BNC1: variants seen among roughly 807,000 people sequenced by gnomAD.
The protein encoded by BNC1 is zinc finger protein basonuclin-1.
Under a neutral mutation model 66.5 loss-of-function variants are expected in BNC1, and 8 were observed. The observed-to-expected ratio is 0.12, with a 90% confidence interval of 0.07 to 0.22. The LOEUF (loss-of-function observed/expected upper bound fraction) is 0.22. BNC1 is among the 10% of genes least tolerant of loss of function. The pLI, the probability that BNC1 is intolerant of heterozygous loss-of-function variation, is 1.00. For synonymous variants in BNC1, 454 were observed against 452.6 expected (o/e 1.00, Z -0.04); for missense variants, 1,069 against 1,241.3 (o/e 0.86, Z 2.09).
rs1462619498 is a variant in BNC1 at position 83,257,754 on chromosome 15, A to C, written c.2673T>G (p.Asp891Glu). The C allele has an allele frequency of 5.0e-6, 8 of 1,614,022 alleles. No individual in the cohort carries two copies. The highest frequency in any genetic ancestry group is 1.3e-5 in the African/African-American group (1 of 74,906). ...CAAGGCTCGACCCTTCACAGTTCCC[A>C]TCACTGTCCTCCATAAGCACAGTGC... The part of the protein sequence containing the change: ...EEGTVLMEDS[D>E]GNCEGSSLVP... The change falls in exon 5 of 5, where the codon GAT becomes GAG. Residue 891 changes from aspartate (D) to glutamate (E), a missense_variant. This residue lies in a region of BNC1 where 657 missense variants were observed against 715.8 expected (regional missense o/e 0.92). Transcript: ENST00000345382.
intron 4 of BNC1, among the ~76,000 whole-genome samples, chr15:83,262,052 T>G (rs1209494588): frequency 2.3e-4 from 34 of 148,492 alleles, no homozygotes; most frequent in Admixed American, 2.1e-3. Flanking sequence ...CATGTTTTTT[T>G]TTTTTTTTTT....
intron 1 of BNC1, among the ~76,000 whole-genome samples, chr15:83,274,686 C>T (rs1231618832): frequency 6.6e-6 from 1 of 152,198 alleles, no homozygotes; most frequent in Non-Finnish European, 1.5e-5. Flanking sequence ...TTGTAACATG[C>T]CCAGGGTCAC....
Position 83,266,825 on chromosome 15 carries a change from G to T in BNC1, c.435+11C>A, listed in dbSNP as rs572763338. On this transcript the variant is annotated intron_variant, in intron 3 of 4. Transcript: ENST00000345382. ...AGCACCCTAGGAGGACAATGTTCATGTTTACTGTACCTGCAGTACGTATCC... is the reference window on the plus strand; with the variant it reads ...AGCACCCTAGGAGGACAATGTTCATTTTTACTGTACCTGCAGTACGTATCC... 2 of 1,610,138 alleles carry T rather than the reference G, an allele frequency of 1.2e-6. No homozygotes were observed. The highest frequency in any genetic ancestry group is 2.2e-5 in the South Asian group (2 of 91,000).
In BNC1 at chr15:83,263,132, C is replaced by A. The variant is rs2038163736; in HGVS notation, c.2119G>T (p.Gly707Cys). Reference protein sequence around the residue: ...LEDSKELEHVGQHALARQIEE... With the variant: ...LEDSKELEHVCQHALARQIEE... ...ATCTGCCTTGCTAATGCATGCTGAC[C>A]CACGTGCTCCAGTTCTTTAGAATCT... The change falls in exon 4 of 5, where the codon GGT becomes TGT. Residue 707 changes from glycine (G) to cysteine (C), a missense_variant. By Grantham distance (159) the Gly-to-Cys change is radical (BLOSUM62 -3). This residue lies in a region of BNC1 where 657 missense variants were observed against 715.8 expected (regional missense o/e 0.92). Coordinates refer to ENST00000345382, the MANE Select transcript of BNC1 (RefSeq NM_001717.4). 1 of 1,614,134 alleles carries A rather than the reference C, an allele frequency of 6.2e-7. No homozygotes were observed. The highest frequency in any genetic ancestry group is 1.3e-5 in the African/African-American group (1 of 75,036).
At chr15:83,259,649 A>T (rs1454635423) in intron 4 of BNC1, among the ~76,000 whole-genome samples, 1 of 152,214 alleles carries the variant, frequency 6.6e-6, no homozygotes, top group African/African-American at 2.4e-5. Flanking sequence ...GTTCCAGTAC[A>T]TACAAGTGGT....
chr15:83,266,700 G>A, intron 3 of BNC1, 136 bp downstream of exon 3: 7 of 773,186 alleles, frequency 9.1e-6, no homozygotes, highest in East Asian at 2.5e-5. Context: ...AGGGGCTTAG[G>A]CCATTAGAAA....
chr15:83,276,055 G>A (rs909724364), intron 1 of BNC1, among the ~76,000 whole-genome samples: 28 of 152,178 alleles, frequency 1.8e-4, no homozygotes, highest in Non-Finnish European at 3.5e-4. Context: ...GTTAAGCCAT[G>A]TAAAAACTTC....
chr15:83,277,519 C>T (rs1472038549), intron 1 of BNC1, among the ~76,000 whole-genome samples: 1 of 152,156 alleles, frequency 6.6e-6, no homozygotes, highest in African/African-American at 2.4e-5. Context: ...CCATGTTAGT[C>T]AGGATGGTCT....
intron 1 of BNC1, among the ~76,000 whole-genome samples, chr15:83,278,253 A>G (rs949231288): frequency 1.3e-5 from 2 of 152,240 alleles, no homozygotes; most frequent in Non-Finnish European, 2.9e-5. Context: ...TCATTTATTT[A>G]ACAAGGTTTT....
At chr15:83,283,630 C>T (rs2038408514) in intron 1 of BNC1, among the ~76,000 whole-genome samples, 1 of 152,222 alleles carries the variant, frequency 6.6e-6, no homozygotes, top group Non-Finnish European at 1.5e-5. Flanking sequence ...CCCAGGCCCA[C>T]TTCCTGTCAC....
At chr15:83,268,101 AC>A in intron 2 of BNC1, 31 bp downstream of exon 2, 1 of 1,569,814 alleles carries the variant, frequency 6.4e-7, no homozygotes, top group Non-Finnish European at 8.8e-7. Context: ...AGGTAACACT[AC>A]AGGCCAAGAG....
intron 2 of BNC1, among the ~76,000 whole-genome samples, chr15:83,267,351 C>G (rs1349445027): frequency 6.6e-6 from 1 of 152,014 alleles, no homozygotes; most frequent in Admixed American, 6.6e-5. Context: ...GGGGTAAAAA[C>G]TGAGGTGGGA....
chr15:83,261,472 T>C lies in BNC1; in HGVS notation c.2300+1479A>G, dbSNP rs964502380. ...CAAGTCAAGCTTGTTTCTGCAAATG[T>C]AGCATTTTAATATTCAGTGTACCAT... On this transcript the variant is annotated intron_variant, in intron 4 of 4. Coordinates refer to ENST00000345382, the MANE Select transcript of BNC1 (RefSeq NM_001717.4). 5.9e-5 allele frequency among the ~76,000 whole-genome samples: 9 copies of C among 152,374 alleles called. No individual in the cohort carries two copies. The East Asian group carries it at 1.3e-3, about 23-fold the overall frequency.
In BNC1 at chr15:83,257,800, G is replaced by C. The variant is rs545793816; in HGVS notation, c.2627C>G (p.Ser876Cys). The C allele has an allele frequency of 1.9e-6, 3 of 1,614,148 alleles. No individual in the cohort carries two copies. The East Asian group carries it at 6.7e-5, about 36-fold the overall frequency. ...AGTGCCTTCCTCACTCACCCCGTCA[G>C]AGTCCCAGGAAGAATGGCTGCTACT... is the stretch of plus-strand genomic sequence containing the variant. ...SESSSHSSWDSDGVSEEGTVL... is the reference protein window; with the variant it reads ...SESSSHSSWDCDGVSEEGTVL... The change falls in exon 5 of 5, where the codon TCT becomes TGT. Residue 876 changes from serine to cysteine, a missense_variant. By Grantham distance (112) the Ser-to-Cys change is moderately radical (BLOSUM62 -1). Around this residue, in one of 7 missense-constraint regions of BNC1, gnomAD observed 657 missense variants for 715.8 expected, o/e 0.92. Transcript: ENST00000345382.
Position 83,264,151 on chromosome 15 carries a change from TAGA to T in BNC1, c.1097_1099del (p.Phe366del). The T allele has an allele frequency of 6.2e-7, 1 of 1,614,182 alleles. No homozygotes were observed. Among genetic ancestry groups the T allele is most frequent in the Non-Finnish European group, 8.5e-7 (1 of 1,180,032 alleles). On this transcript the variant is annotated inframe_deletion, in exon 4 of 5. Coordinates refer to ENST00000345382, the MANE Select transcript of BNC1 (RefSeq NM_001717.4). The stretch of plus-strand genomic sequence containing the variant: ...GTGGATTTTGAGGGTGCCTTTGTCA[TAGA>T]AGGTCTTCTCACATGCAGTGCAGAA...
chr15:83,274,377 T>G (rs991241560), intron 1 of BNC1, among the ~76,000 whole-genome samples: 2 of 152,218 alleles, frequency 1.3e-5, no homozygotes, highest in African/African-American at 4.8e-5. Flanking sequence ...AGAGTGAGAC[T>G]CCATCTCAAA....
At chr15:83,284,333 AC>A (rs1041199308) in intron 1 of BNC1, among the ~76,000 whole-genome samples, 196 bp downstream of exon 1, 4 of 150,494 alleles carry the variant, frequency 2.7e-5, no homozygotes, top group Middle Eastern at 3.5e-3. Context: ...CAGAGCCCCA[AC>A]CCCCCCGCCG....
rs2038196488 is a variant in BNC1 at position 83,264,693 on chromosome 15, T to G, written c.558A>C (p.Gln186His). 1 of 1,614,192 alleles carries G rather than the reference T, an allele frequency of 6.2e-7. No individual in the cohort carries two copies. The change falls in exon 4 of 5, where the codon CAA becomes CAC. Residue 186 changes from glutamine (Q) to histidine (H), a missense_variant. Physicochemically the swap from Gln to His is conservative, Grantham distance 24. This residue lies in a region of BNC1 where 181 missense variants were observed against 181.5 expected (regional missense o/e 1.00). Transcript: ENST00000345382. ...TKSIVELMAI[Q>H]EKEEQSIIIP... ...TGATGATGGATTGCTCTTCTTTCTC[T>G]TGAATTGCCATGAGTTCAACTATAG...
chr15:83,272,981 G>C (rs575203199), intron 1 of BNC1, among the ~76,000 whole-genome samples: 9 of 151,866 alleles, frequency 5.9e-5, no homozygotes, highest in East Asian at 1.9e-4. Context: ...AATGCCCTTG[G>C]GGGGGGGCCT....
Sources: allele counts gnomAD v4.1 joint callset (sites outside exome capture counted in the v4.1 genomes callset), GRCh38; gene constraint gnomAD v4.1.1; regional missense constraint gnomAD v4.1.1; transcripts MANE v1.5; gene names NCBI Gene and HGNC (gene_info 2026-07-23, HGNC 2026-07-21).